LDHC: variants seen among roughly 807,000 people sequenced by gnomAD.
LDHC encodes the protein lactate dehydrogenase C, also known as L-lactate dehydrogenase C chain.
LDHC carries 20 observed loss-of-function variants against 30.2 expected under a neutral mutation model. The ratio of observed to expected loss-of-function variants is 0.66; its 90% CI spans 0.47 to 0.96. The LOEUF (loss-of-function observed/expected upper bound fraction) is 0.96. LDHC is among the 40% of genes least tolerant of loss of function. LDHC has a pLI of 0.00. For missense variants in LDHC, 362 were observed against 394.9 expected (o/e 0.92, Z 0.71); for synonymous variants, 139 against 132.7 (o/e 1.05, Z -0.32).
At chr11:18,420,110 A>T (rs1867091818) in intron 3 of LDHC, among the ~76,000 whole-genome samples, 1 of 150,852 alleles carries the variant, frequency 6.6e-6, no homozygotes, top group Non-Finnish European at 1.5e-5. Flanking sequence ...CAACAACAAC[A>T]ACAACAACCT....
chr11:18,448,473 G>A (rs1490037055), intron 7 of LDHC, among the ~76,000 whole-genome samples: 1 of 152,054 alleles, frequency 6.6e-6, no homozygotes, highest in Non-Finnish European at 1.5e-5. Flanking sequence ...TAGTAGAGAA[G>A]GGGTTTTGTG....
At chr11:18,439,732 T>A (rs1467440533) in intron 6 of LDHC, among the ~76,000 whole-genome samples, 2 of 141,260 alleles carry the variant, frequency 1.4e-5, no homozygotes, top group Admixed American at 1.5e-4. Flanking sequence ...CCCAATACTT[T>A]GGGAGGCCAA....
At chr11:18,432,590 G>A (rs1848286931) in intron 4 of LDHC, among the ~76,000 whole-genome samples, 1 of 152,106 alleles carries the variant, frequency 6.6e-6, no homozygotes, top group Admixed American at 6.6e-5. Flanking sequence ...TTGTGTTGCT[G>A]TCTGTCTTAT....
At chr11:18,424,399 C>A (rs1046619789) in intron 3 of LDHC, among the ~76,000 whole-genome samples, 4 of 151,566 alleles carry the variant, frequency 2.6e-5, no homozygotes, top group Admixed American at 6.6e-5. Flanking sequence ...AACAAAAAAA[C>A]CCCACGAGTT....
Position 18,413,175 on chromosome 11 carries a change from G to A in LDHC, c.126+332G>A, listed in dbSNP as rs527601722. 1.3e-4 allele frequency among the ~76,000 whole-genome samples: 19 copies of A among 151,514 alleles called. No individual in the cohort carries two copies. The South Asian group carries it at 4.0e-3, about 32-fold the overall frequency. ...TGGCCCACTGCAACCTCCACCTCCC[G>A]GGATCAAGCGATTCTCCTGCCTCAG... On this transcript the variant is annotated intron_variant, in intron 2 of 7. Coordinates refer to ENST00000541669, the MANE Select transcript of LDHC (RefSeq NM_017448.5).
intron 7 of LDHC, among the ~76,000 whole-genome samples, chr11:18,448,233 G>A (rs573365631): frequency 1.3e-5 from 2 of 152,026 alleles, no homozygotes; most frequent in South Asian, 4.2e-4. Flanking sequence ...AGTAATATGG[G>A]AATTTAATAG....
chr11:18,441,905 A>AAAAAC (rs1195435324), intron 6 of LDHC, among the ~76,000 whole-genome samples: 12 of 152,190 alleles, frequency 7.9e-5, no homozygotes, highest in South Asian at 4.2e-4. Flanking sequence ...GACTCCGTCT[A>AAAAAC]AAAACAAAAC....
At chr11:18,424,158 C>T (rs111435608) in intron 3 of LDHC, among the ~76,000 whole-genome samples, 20,643 of 151,670 alleles carry the variant, frequency 0.14, 1,496 homozygotes, top group Middle Eastern at 0.2. Flanking sequence ...CTGAGGTGGG[C>T]GGATCACGAG....
At chr11:18,437,731 G>A (rs577686209) in intron 5 of LDHC, among the ~76,000 whole-genome samples, 1 of 139,154 alleles carries the variant, frequency 7.2e-6, no homozygotes, top group Non-Finnish European at 1.5e-5. Flanking sequence ...TAGCCTGGGC[G>A]ACAGAGCAAG....
chr11:18,440,144 C>CAAAA (rs35749455), intron 6 of LDHC, among the ~76,000 whole-genome samples: 1,003 of 83,004 alleles, frequency 0.012, 19 homozygotes, highest in African/African-American at 0.038. Context: ...TACTAAAATA[C>CAAAA]AAAAAAAAAA....
At chr11:18,426,522 G>A (rs909785661) in intron 3 of LDHC, among the ~76,000 whole-genome samples, 2 of 72,590 alleles carry the variant, frequency 2.8e-5, no homozygotes, top group Non-Finnish European at 4.9e-5. Flanking sequence ...GCAAGACTCC[G>A]TCTCAAAAAA....
At chr11:18,434,347 T>C (rs1220223554) in intron 4 of LDHC, among the ~76,000 whole-genome samples, 1 of 152,180 alleles carries the variant, frequency 6.6e-6, no homozygotes, top group Admixed American at 6.5e-5. Flanking sequence ...GATCAATTGC[T>C]GGTGAACTTA....
At chr11:18,445,603 G>A (rs1418103636) in intron 6 of LDHC, among the ~76,000 whole-genome samples, 1 of 152,096 alleles carries the variant, frequency 6.6e-6, no homozygotes, top group African/African-American at 2.4e-5. Flanking sequence ...TTAAAAGCTA[G>A]TTTCATCTTG....
At chr11:18,413,459 C>CTTTTT (rs34176196) in intron 2 of LDHC, among the ~76,000 whole-genome samples, 2 of 77,136 alleles carry the variant, frequency 2.6e-5, no homozygotes, top group Admixed American at 1.6e-4. Flanking sequence ...ATTGTTCTCT[C>CTTTTT]TTTTTTTTTT....
intron 5 of LDHC, among the ~76,000 whole-genome samples, chr11:18,436,066 C>T (rs1469707526): frequency 6.6e-6 from 1 of 152,052 alleles, no homozygotes; most frequent in Non-Finnish European, 1.5e-5. Flanking sequence ...TTAGAGTGCC[C>T]TTTTCTTTAT....
intron 4 of LDHC, among the ~76,000 whole-genome samples, chr11:18,433,933 A>T (rs1848312398): frequency 6.6e-6 from 1 of 152,214 alleles, no homozygotes; most frequent in Non-Finnish European, 1.5e-5. Context: ...TTCCTCAGGA[A>T]CACCGATTAT....
At chr11:18,420,590 A>G (rs939247682) in intron 3 of LDHC, among the ~76,000 whole-genome samples, 1 of 148,738 alleles carries the variant, frequency 6.7e-6, no homozygotes, top group African/African-American at 2.5e-5. Flanking sequence ...AGGCTGAGGC[A>G]GAAGGATCAC....
intron 3 of LDHC, among the ~76,000 whole-genome samples, chr11:18,429,233 C>A (rs906137364): frequency 1.3e-5 from 2 of 151,170 alleles, no homozygotes; most frequent in East Asian, 2.0e-4. Context: ...CTGCCTCAGC[C>A]TCCCAAGTAG....
At chr11:18,437,315 A>C (rs1450276827) in intron 5 of LDHC, among the ~76,000 whole-genome samples, 3 of 152,220 alleles carry the variant, frequency 2.0e-5, no homozygotes, top group Non-Finnish European at 2.9e-5. Flanking sequence ...CCTATACCAC[A>C]CAATTATAAA....
Sources: gnomAD v4.1 joint callset for allele counts (sites outside exome capture counted in the v4.1 genomes callset) on GRCh38, gnomAD v4.1.1 for gene constraint, MANE v1.5 for transcripts, NCBI Gene and HGNC (gene_info 2026-07-23, HGNC 2026-07-21) for gene names.